Variants in CFAP20DC observed in about 807,000 individuals in gnomAD.
CFAP20DC encodes the protein CFAP20 domain containing, also known as protein CFAP20DC.
A neutral mutation model predicts 101.7 loss-of-function variants in CFAP20DC; 84 were observed. The observed-to-expected ratio is 0.83, with a 90% CI of 0.69 to 0.99. CFAP20DC has a LOEUF of 0.99. Among genes scored for constraint, CFAP20DC ranks in the 50% least tolerant of loss-of-function variants. The probability of loss-of-function intolerance (pLI) is 0.00; values close to 1 mark genes in which losing one functional copy is unlikely to be tolerated. For synonymous variants in CFAP20DC, 359 were observed against 351.2 expected (o/e 1.02, Z -0.25); for missense variants, 1,007 against 970.3 (o/e 1.04, Z -0.50).
At chr3:59,032,327 C>G (rs2094010331) in intron 4 of CFAP20DC, among the ~76,000 whole-genome samples, 1 of 151,788 alleles carries the variant, frequency 6.6e-6, no homozygotes, top group Non-Finnish European at 1.5e-5. Context: ...CCCAGTGGCA[C>G]CTGGAATGCC....
chr3:58,875,928 C>G (rs1378662280), intron 7 of CFAP20DC, among the ~76,000 whole-genome samples: 1 of 152,086 alleles, frequency 6.6e-6, no homozygotes, highest in Admixed American at 6.5e-5. Context: ...GTAGTGGACA[C>G]CCAGTGTCTA....
At chr3:58,898,019 AG>A (rs1400485520) in intron 6 of CFAP20DC, among the ~76,000 whole-genome samples, 2 of 152,060 alleles carry the variant, frequency 1.3e-5, no homozygotes, top group Admixed American at 6.6e-5. Flanking sequence ...TACCTCAGTC[AG>A]TTGTAAGTTC....
At chr3:58,723,112 T>C (rs2067495861) in intron 3 of CFAP20DC, among the ~76,000 whole-genome samples, 1 of 152,258 alleles carries the variant, frequency 6.6e-6, no homozygotes, top group African/African-American at 2.4e-5. Context: ...CTTTAAAAAA[T>C]GTTATGAATT....
At chr3:58,747,618 G>A (rs190928979) in intron 16 of CFAP20DC, among the ~76,000 whole-genome samples, 1 of 152,214 alleles carries the variant, frequency 6.6e-6, no homozygotes, top group East Asian at 1.9e-4. Context: ...CTGATTGACT[G>A]TATTTTTATG....
At chr3:58,945,697 CTTT>C (rs66828789) in intron 4 of CFAP20DC, among the ~76,000 whole-genome samples, 3 of 138,494 alleles carry the variant, frequency 2.2e-5, no homozygotes, top group South Asian at 2.3e-4. Flanking sequence ...AAGTCACTTT[CTTT>C]TTTTTTTTTT....
chr3:58,870,324 G>C lies in CFAP20DC; in HGVS notation c.716-15C>G. The C allele has an allele frequency of 6.2e-7, 1 of 1,612,088 alleles. No individual in the cohort carries two copies. Among genetic ancestry groups the C allele is most frequent in the Admixed American group, 1.7e-5 (1 of 59,998 alleles). ...AATGAACTGATCTGTTTTGTTAAAG[G>C]AAGGTAATAATAGTCCATTAATGGG... On this transcript the variant is annotated splice_polypyrimidine_tract_variant and intron_variant, in intron 7 of 16. Coordinates refer to ENST00000482387, the MANE Select transcript of CFAP20DC (RefSeq NM_001394063.1).
chr3:58,773,411 AAAAG>A (rs1394996050), intron 15 of CFAP20DC, among the ~76,000 whole-genome samples: 1 of 148,186 alleles, frequency 6.7e-6, no homozygotes, highest in Non-Finnish European at 1.5e-5. Flanking sequence ...AAGAAAAAGA[AAAAG>A]AAAAAAAAGT....
intron 4 of CFAP20DC, among the ~76,000 whole-genome samples, chr3:59,027,656 A>G (rs2093917033): frequency 6.6e-6 from 1 of 152,228 alleles, no homozygotes; most frequent in Non-Finnish European, 1.5e-5. Context: ...AAAATATAAT[A>G]TCCCAAAATC....
At chr3:58,978,240 G>A (rs2092363938) in intron 4 of CFAP20DC, among the ~76,000 whole-genome samples, 1 of 151,964 alleles carries the variant, frequency 6.6e-6, no homozygotes, top group Admixed American at 6.6e-5. Flanking sequence ...CCACTCCCCT[G>A]CCTTATAATA....
chr3:58,985,407 TCTAG>T (rs1389502367), intron 4 of CFAP20DC, among the ~76,000 whole-genome samples: 2 of 152,176 alleles, frequency 1.3e-5, no homozygotes, highest in Non-Finnish European at 2.9e-5. Context: ...ACTCACCATA[TCTAG>T]TTTTTTTTTC....
chr3:58,881,782 G>A (rs2108629917), intron 7 of CFAP20DC, among the ~76,000 whole-genome samples: 1 of 152,208 alleles, frequency 6.6e-6, no homozygotes. Context: ...TCACTGTGGG[G>A]AGTCTACTTT....
chr3:58,800,816 G>A (rs1370938907), intron 15 of CFAP20DC, among the ~76,000 whole-genome samples: 1 of 151,976 alleles, frequency 6.6e-6, no homozygotes, highest in Non-Finnish European at 1.5e-5. Flanking sequence ...CAATATCACT[G>A]TCCTCCTATT....
At chr3:58,809,506 A>G (rs1173861398) in intron 14 of CFAP20DC, among the ~76,000 whole-genome samples, 4 of 152,108 alleles carry the variant, frequency 2.6e-5, no homozygotes, top group Admixed American at 2.6e-4. Flanking sequence ...GAAACCAACG[A>G]GAACAAAGAC....
chr3:58,769,170 C>G (rs1300913335), intron 15 of CFAP20DC, among the ~76,000 whole-genome samples: 1 of 152,206 alleles, frequency 6.6e-6, no homozygotes, highest in African/African-American at 2.4e-5. Context: ...GTTAGTCCTA[C>G]AGGGAGGGAG....
chr3:58,837,895 A>T (rs1324599767), intron 13 of CFAP20DC, among the ~76,000 whole-genome samples: 2 of 152,186 alleles, frequency 1.3e-5, no homozygotes, highest in East Asian at 3.9e-4. Flanking sequence ...ATTTGCAGAC[A>T]GTGTTTAATC....
At chr3:58,757,804 T>C (rs372896682) in intron 15 of CFAP20DC, among the ~76,000 whole-genome samples, 42 of 152,254 alleles carry the variant, frequency 2.8e-4, no homozygotes, top group African/African-American at 9.6e-4. Context: ...TTAACACAGA[T>C]TTAGAAGATT....
At chr3:58,733,553 C>T (rs74934430) in intron 3 of CFAP20DC, among the ~76,000 whole-genome samples, 12,704 of 152,170 alleles carry the variant, frequency 0.083, 901 homozygotes, top group East Asian at 0.35. Context: ...TGGCCCAGAA[C>T]TGATCATTTC....
chr3:58,746,407 C>T (rs1471636181), intron 16 of CFAP20DC, among the ~76,000 whole-genome samples: 1 of 151,984 alleles, frequency 6.6e-6, no homozygotes. Context: ...TATTCTGTGC[C>T]TATGTTTGCA....
At chr3:58,750,581 G>A (rs1456775544) in intron 16 of CFAP20DC, among the ~76,000 whole-genome samples, 1 of 152,198 alleles carries the variant, frequency 6.6e-6, no homozygotes, top group Non-Finnish European at 1.5e-5. Context: ...CAGTGAAATG[G>A]TTCTGTAGAA....
Sources: gnomAD v4.1 joint callset for allele counts (sites outside exome capture counted in the v4.1 genomes callset) on GRCh38, gnomAD v4.1.1 for gene constraint, MANE v1.5 for transcripts, NCBI Gene and HGNC (gene_info 2026-07-23, HGNC 2026-07-21) for gene names.